The following MOV10L1 variants were observed in gnomAD, a reference collection of about 807,000 sequenced individuals.
MOV10L1 encodes the protein Mov10 like RNA helicase 1, also known as RNA helicase Mov10l1.
A neutral mutation model predicts 143.8 loss-of-function variants in MOV10L1; 110 were observed. That is an observed-to-expected ratio of 0.76 (90% CI 0.66 to 0.90). The LOEUF (loss-of-function observed/expected upper bound fraction) is 0.90, where lower values mean the gene tolerates loss of function less well. MOV10L1 is among the 40% of genes least tolerant of loss of function. The pLI, the probability that MOV10L1 is intolerant of heterozygous loss-of-function variation, is 0.00. For missense variants in MOV10L1, 1,406 were observed against 1,526.8 expected (o/e 0.92, Z 1.32); for synonymous variants, 593 against 581.1 (o/e 1.02, Z -0.29).
At chr22:50,116,139 A>G (rs540461496) in intron 8 of MOV10L1, among the ~76,000 whole-genome samples, 9 of 151,604 alleles carry the variant, frequency 5.9e-5, no homozygotes, top group African/African-American at 2.2e-4. Flanking sequence ...ATCAACATCA[A>G]GCTGTGGGTG....
In MOV10L1 at chr22:50,127,291, C is replaced by T. The variant is rs377598743; in HGVS notation, c.1818+1019C>T. Among the ~76,000 whole-genome samples the T allele has an allele frequency of 2.6e-4, 40 of 152,308 alleles. No individual in the cohort carries two copies. The South Asian group carries it at 7.5e-3, about 28-fold the overall frequency. On this transcript the variant is annotated intron_variant, in intron 12 of 26. Coordinates refer to ENST00000262794, the MANE Select transcript of MOV10L1 (RefSeq NM_018995.3). ...ACCCCTGGTTCCTGAGCCATATGGC[C>T]GGGCCTCCATGCCATTGATCAAACC...
intron 13 of MOV10L1, among the ~76,000 whole-genome samples, chr22:50,130,333 A>G (rs2062635672): frequency 6.6e-6 from 1 of 152,260 alleles, no homozygotes. Context: ...AGAAGGTGCT[A>G]GTTTTAATAT....
chr22:50,121,286 G>A (rs2062335629), intron 10 of MOV10L1, among the ~76,000 whole-genome samples: 1 of 152,112 alleles, frequency 6.6e-6, no homozygotes, highest in Admixed American at 6.6e-5. Context: ...CCCTTCAGGG[G>A]ATCCTTTCCA....
chr22:50,117,613 A>G (rs2062217853), intron 9 of MOV10L1, among the ~76,000 whole-genome samples: 1 of 151,910 alleles, frequency 6.6e-6, no homozygotes. Context: ...CCCAAGCCCC[A>G]CTCTGCTCTG....
intron 12 of MOV10L1, among the ~76,000 whole-genome samples, chr22:50,128,092 C>T: frequency 6.6e-6 from 1 of 152,126 alleles, no homozygotes; most frequent in East Asian, 1.9e-4. Context: ...TCGAGGCTTC[C>T]TTACAGTAGG....
intron 13 of MOV10L1, among the ~76,000 whole-genome samples, chr22:50,129,285 G>A (rs1025327151): frequency 1.3e-5 from 2 of 152,176 alleles, no homozygotes; most frequent in African/African-American, 4.8e-5. Context: ...GATGAGGGGT[G>A]CTGTGACCTG....
At chr22:50,133,807 G>A (rs2147279756) in intron 13 of MOV10L1, among the ~76,000 whole-genome samples, 200 bp from the exon 14 acceptor site, 1 of 152,244 alleles carries the variant, frequency 6.6e-6, no homozygotes, top group Middle Eastern at 3.4e-3. Context: ...GCCTCCCAAA[G>A]TGCTGGGATT....
rs747146454 is a variant in MOV10L1 at position 50,115,114 on chromosome 22, G to T, written c.1127G>T (p.Gly376Val). 6.4e-7 allele frequency: 1 copy of T among 1,565,766 alleles called. No homozygotes were observed. The highest frequency in any genetic ancestry group is 8.6e-7 in the Non-Finnish European group (1 of 1,165,006). ...TTTGTATTAAAATTTTATTTCCCAGGTGATTGTACCTGTAAAGGAGAAAAT... is the reference window on the plus strand; with the variant it reads ...TTTGTATTAAAATTTTATTTCCCAGTTGATTGTACCTGTAAAGGAGAAAAT... ...SLVNNRGISP[G>V]DCTCKGENGE... The change falls in exon 8 of 27, where the codon GGT becomes GTT. Residue 376 changes from glycine (G) to valine (V), a missense_variant and splice_region_variant. By Grantham distance (109) the Gly-to-Val change is moderately radical (BLOSUM62 -3). Transcript: ENST00000262794.
intron 10 of MOV10L1, among the ~76,000 whole-genome samples, chr22:50,122,988 A>G (rs9617031): frequency 0.23 from 34,172 of 151,772 alleles, 4,200 homozygotes; most frequent in Admixed American, 0.35. Flanking sequence ...GTGAGCCACC[A>G]CACCCAGCCT....
In MOV10L1 at chr22:50,117,167, C is replaced by T. The variant is rs41308349; in HGVS notation, c.1270C>T (p.Arg424Cys). Residue 424 changes from arginine to cysteine, a missense_variant, in exon 9 of 27, where the codon CGC becomes TGC. By Grantham distance (180) the Arg-to-Cys change is radical (BLOSUM62 -3). This residue lies in a region of MOV10L1 where 1,233 missense variants were observed against 1,351.4 expected (regional missense o/e 0.91). Transcript: ENST00000262794. ...VVICDGKNPGRCKELLLLCFS... is the reference protein window; with the variant it reads ...VVICDGKNPGCCKELLLLCFS... ...TTTGTTTTTTTCAAGAAATCCTGGC[C>T]GCTGCAAGGAGCTCCTTTTGCTCTG... is the stretch of plus-strand genomic sequence containing the variant. 5.8e-5 allele frequency: 92 copies of T among 1,594,154 alleles called. No individual in the cohort carries two copies. Among genetic ancestry groups the T allele is most frequent in the Non-Finnish European group, 7.2e-5 (84 of 1,171,282 alleles).
intron 16 of MOV10L1, among the ~76,000 whole-genome samples, 182 bp from the exon 17 acceptor site, chr22:50,142,859 CAG>C (rs1049976533): frequency 1.8e-4 from 28 of 151,870 alleles, no homozygotes; most frequent in African/African-American, 6.3e-4. Context: ...AAAATGCAAA[CAG>C]ATTATTAAGA....
chr22:50,141,247 AG>A (rs35939699), intron 15 of MOV10L1, among the ~76,000 whole-genome samples: 1 of 152,096 alleles, frequency 6.6e-6, no homozygotes, highest in Admixed American at 6.5e-5. Context: ...CATGTTGGCC[AG>A]GATGGTCTCG....
In MOV10L1 at chr22:50,117,326, A is replaced by G. The variant is rs769074326; in HGVS notation, c.1429A>G (p.Thr477Ala). 6 of 1,614,044 alleles carry G rather than the reference A, an allele frequency of 3.7e-6. No homozygotes were observed. The South Asian group carries it at 5.5e-5, about 15-fold the overall frequency. ...SSQALTSAKT[T>A]VVVTAQKRNS... is the part of the protein sequence containing the mutation. ...ACAAGCGTTAACATCCGCAAAAACT[A>G]CAGTTGTTGTGACCGCACAGAAAAG... Residue 477 changes from threonine (T) to alanine (A), a missense_variant, in exon 9 of 27, where the codon ACA becomes GCA. By Grantham distance (58) the Thr-to-Ala change is moderately conservative. Around this residue, in one of 3 missense-constraint regions of MOV10L1, gnomAD observed 1,233 missense variants for 1,351.4 expected, o/e 0.91. Transcript: ENST00000262794.
In MOV10L1 at chr22:50,113,842, T is replaced by G. The variant is rs1026279754; in HGVS notation, c.884+54T>G. 2.1e-6 allele frequency: 3 copies of G among 1,408,612 alleles called. No individual in the cohort carries two copies. The African/African-American group carries it at 4.4e-5, about 21-fold the overall frequency. 87.3% of individuals were successfully genotyped at this position (1,408,612 alleles called of 1,614,324 possible). A position where few individuals can be genotyped will look rare whatever the true frequency, so the allele number is the denominator to read the frequency against. On this transcript the variant is annotated intron_variant, in intron 6 of 26. Coordinates refer to ENST00000262794, the MANE Select transcript of MOV10L1 (RefSeq NM_018995.3). ...AAAGCTACATTAATGGCTTTTACAC[T>G]ATGACTCAATAATTTCTGTAAAACC...
intron 15 of MOV10L1, among the ~76,000 whole-genome samples, chr22:50,136,970 T>C (rs2142851): frequency 0.23 from 34,576 of 152,086 alleles, 4,298 homozygotes; most frequent in Admixed American, 0.35. Context: ...AAGTCCAGCC[T>C]TTGACTGAAG....
intron 13 of MOV10L1, among the ~76,000 whole-genome samples, chr22:50,128,991 G>A (rs1420047322): frequency 1.3e-5 from 2 of 152,034 alleles, no homozygotes; most frequent in Non-Finnish European, 2.9e-5. Context: ...TCTTTAATTG[G>A]ACAGTGTTCT....
In MOV10L1 at chr22:50,159,646, A is replaced by G; in HGVS notation, c.3217-32A>G. The G allele has an allele frequency of 4.4e-6, 6 of 1,351,022 alleles. No individual in the cohort carries two copies. The highest frequency in any genetic ancestry group is 6.3e-6 in the Non-Finnish European group (6 of 953,894). The allele number at this position is 1,351,022 out of a possible 1,614,324, so 83.7% of individuals were successfully genotyped here. A position where few individuals can be genotyped will look rare whatever the true frequency, so the allele number is the denominator to read the frequency against. ...AAAAGAAATGGATTTGTACAGTGTT[A>G]TCTTTAGTCTTTCTTTTAATCTGTT... On this transcript the variant is annotated intron_variant, in intron 23 of 26. Transcript: ENST00000262794. The surrounding 1 kb of genome is among the most constrained non-coding windows in gnomAD (Gnocchi z 4.1).
chr22:50,148,349 G>T (rs2063207511), intron 19 of MOV10L1, among the ~76,000 whole-genome samples: 1 of 152,246 alleles, frequency 6.6e-6, no homozygotes, highest in Non-Finnish European at 1.5e-5. Context: ...CCCAGGTGGG[G>T]TGGCCCCTCT....
At position 50,144,860 on chromosome 22, in the gene MOV10L1, C is replaced by T. The variant is rs186204825; in HGVS notation, c.2505+617C>T. 4.1e-3 allele frequency among the ~76,000 whole-genome samples: 624 copies of T among 152,276 alleles called. 8 individuals carry two copies. Among genetic ancestry groups the T allele is most frequent in the African/African-American group, 0.014 (597 of 41,546 alleles). On this transcript the variant is annotated intron_variant, in intron 18 of 26. Transcript: ENST00000262794. The stretch of plus-strand genomic sequence containing the variant: ...CCTCCCAAAGTGCTGGGATTACAGG[C>T]GTGAGCCACCGTGCCCGGCCTGGTT...
Sources: gnomAD v4.1 joint callset for allele counts (sites outside exome capture counted in the v4.1 genomes callset) on GRCh38, gnomAD v4.1.1 for gene constraint, gnomAD v4.1.1 regional missense constraint, Gnocchi (gnomAD v3.1) non-coding constraint, MANE v1.5 for transcripts, NCBI Gene and HGNC (gene_info 2026-07-23, HGNC 2026-07-21) for gene names.